Variants in ZSWIM5 observed in about 807,000 individuals in gnomAD.
ZSWIM5 encodes zinc finger SWIM domain-containing protein 5.
In ZSWIM5, 55 loss-of-function variants were observed where a neutral mutation model predicts 119.6. That is an observed-to-expected ratio of 0.46 (90% CI 0.37 to 0.58). The LOEUF (loss-of-function observed/expected upper bound fraction) is 0.58. Ranked by LOEUF, ZSWIM5 falls within the 20% of genes least tolerant of loss-of-function variation. ZSWIM5 has a pLI of 0.00. For synonymous variants in ZSWIM5, 537 were observed against 606.9 expected (o/e 0.88, Z 1.69); for missense variants, 1,193 against 1,512.8 (o/e 0.79, Z 3.51).
In ZSWIM5 at chr1:45,036,381, GT is replaced by G. The variant is rs1570003917; in HGVS notation, c.1895-83del. 1.8e-5 allele frequency: 27 copies of G among 1,493,344 alleles called. No individual in the cohort carries two copies. The East Asian group carries it at 2.1e-4, about 11-fold the overall frequency. 92.5% of individuals were successfully genotyped at this position (1,493,344 alleles called of 1,614,324 possible). ...TTTTTTTTTTTTTTTTTGAGACAGA[GT>G]CTTGCTCTGTTGTCCAGGCTGGAGT... On this transcript the variant is annotated intron_variant, in intron 8 of 13. Transcript: ENST00000359600.
rs1645344020 is a variant in ZSWIM5 at position 45,088,305 on chromosome 1, T to C, written c.596-68A>G. 2 of 1,156,440 alleles carry C rather than the reference T, an allele frequency of 1.7e-6. No homozygotes were observed. The highest frequency in any genetic ancestry group is 1.6e-5 in the South Asian group (1 of 64,438). The allele number at this position is 1,156,440 out of a possible 1,614,324, so 71.6% of individuals were successfully genotyped here. On this transcript the variant is annotated intron_variant, in intron 1 of 13. Coordinates refer to ENST00000359600, the MANE Select transcript of ZSWIM5 (RefSeq NM_020883.2). The surrounding 1 kb of genome is among the most constrained non-coding windows in gnomAD (Gnocchi z 4.2). Reference sequence around the variant, plus strand: ...AATAAACTTAGATTCTCATTTTACATGTAAATTCATCAATTCATAAATTAT... The same window carrying C: ...AATAAACTTAGATTCTCATTTTACACGTAAATTCATCAATTCATAAATTAT...
rs1644857400 is a variant in ZSWIM5, at chr1:45,016,924, G to A, written c.*1530C>T. 1 of 152,350 alleles carries A rather than the reference G, an allele frequency of 6.6e-6. No individual in the cohort carries two copies. The highest frequency in any genetic ancestry group is 6.5e-5 in the Admixed American group (1 of 15,284). The allele number at this position is 152,350 out of a possible 1,614,324, so 9.4% of individuals were successfully genotyped here. On this transcript the variant is annotated 3_prime_UTR_variant, in exon 14 of 14. Transcript: ENST00000359600. ...TAGGGCTAGAAATTAGGAAGGGAGA[G>A]GCTAAGTGCAGACCAGCCCTAGCCT...
At chr1:45,138,900 T>C (rs999741294) in intron 1 of ZSWIM5, among the ~76,000 whole-genome samples, 41 of 151,492 alleles carry the variant, frequency 2.7e-4, no homozygotes, top group Admixed American at 1.2e-3. Context: ...TTTTCTTTTT[T>C]TTTTTTTTTG....
At chr1:45,139,635 C>T (rs1331632670) in intron 1 of ZSWIM5, among the ~76,000 whole-genome samples, 3 of 151,300 alleles carry the variant, frequency 2.0e-5, no homozygotes, top group Non-Finnish European at 2.9e-5. Context: ...GTATATGCCA[C>T]CATGCCCAGC....
At chr1:45,024,232 C>T (rs1211971062) in intron 11 of ZSWIM5, among the ~76,000 whole-genome samples, 2 of 149,752 alleles carry the variant, frequency 1.3e-5, no homozygotes, top group African/African-American at 4.9e-5. Context: ...GTCTTGTCGC[C>T]CAGGCTGGAG....
At chr1:45,114,867 C>T (rs1229987491) in intron 1 of ZSWIM5, among the ~76,000 whole-genome samples, 2 of 152,180 alleles carry the variant, frequency 1.3e-5, no homozygotes, top group African/African-American at 4.8e-5. Context: ...ATGCTGCCTT[C>T]AAGCATCTGT....
chr1:45,021,461 T>C (rs532546869), intron 11 of ZSWIM5, among the ~76,000 whole-genome samples: 1 of 152,302 alleles, frequency 6.6e-6, no homozygotes, highest in Admixed American at 6.5e-5. Context: ...CCACTTCTTA[T>C]TCAATAGGCA....
intron 1 of ZSWIM5, among the ~76,000 whole-genome samples, chr1:45,103,975 G>C (rs941748947): frequency 1.3e-5 from 2 of 152,202 alleles, no homozygotes; most frequent in African/African-American, 4.8e-5. Context: ...GAAAAGAAGA[G>C]ATGTGGTTTA....
chr1:45,152,754 G>C (rs946458382), intron 1 of ZSWIM5, among the ~76,000 whole-genome samples: 1 of 152,106 alleles, frequency 6.6e-6, no homozygotes, highest in Non-Finnish European at 1.5e-5. Flanking sequence ...ATTGGCAAGT[G>C]AGACCTAATT....
intron 1 of ZSWIM5, among the ~76,000 whole-genome samples, chr1:45,175,754 TA>T (rs1023537344): frequency 7.6e-4 from 110 of 145,152 alleles, no homozygotes; most frequent in South Asian, 4.4e-3. Flanking sequence ...ACCTGGCCTT[TA>T]AAAAAAAAAA....
At chr1:45,060,735 C>T (rs941590400) in intron 2 of ZSWIM5, among the ~76,000 whole-genome samples, 12 of 152,134 alleles carry the variant, frequency 7.9e-5, no homozygotes, top group African/African-American at 2.4e-4. Context: ...AGTGCAGTAG[C>T]GTGATCATGG....
At chr1:45,186,945 T>C (rs1321589777) in intron 1 of ZSWIM5, among the ~76,000 whole-genome samples, 1 of 152,184 alleles carries the variant, frequency 6.6e-6, no homozygotes, top group Non-Finnish European at 1.5e-5. Flanking sequence ...ATATTAAATA[T>C]GTGTTGTTTT....
intron 1 of ZSWIM5, among the ~76,000 whole-genome samples, chr1:45,092,111 T>TTTA (rs1645369339): frequency 6.6e-6 from 1 of 152,200 alleles, no homozygotes; most frequent in East Asian, 1.9e-4. Flanking sequence ...CACAGAACTT[T>TTTA]GCATATTATA....
intron 3 of ZSWIM5, 38 bp downstream of exon 3, chr1:45,060,061 T>C: frequency 6.2e-7 from 1 of 1,611,854 alleles, no homozygotes; most frequent in Non-Finnish European, 8.5e-7. Context: ...AAGCTTCTTT[T>C]GTCAACAACA....
chr1:45,155,979 A>G (rs1479786080), intron 1 of ZSWIM5, among the ~76,000 whole-genome samples: 1 of 152,148 alleles, frequency 6.6e-6, no homozygotes. Flanking sequence ...ACAAATCACC[A>G]CTAAGGAACT....
intron 1 of ZSWIM5, among the ~76,000 whole-genome samples, chr1:45,189,333 A>G (rs1397693306): frequency 6.6e-6 from 1 of 151,986 alleles, no homozygotes; most frequent in African/African-American, 2.4e-5. Context: ...TAATAATAAT[A>G]ATAATAATAA....
At chr1:45,107,022 G>A (rs552831907) in intron 1 of ZSWIM5, among the ~76,000 whole-genome samples, 106 of 152,250 alleles carry the variant, frequency 7.0e-4, no homozygotes, top group African/African-American at 2.2e-3. Context: ...CAGCATACTC[G>A]TTAAGAGTCA....
chr1:45,122,542 G>GC lies in ZSWIM5; in HGVS notation c.596-34306dup, dbSNP rs139822259. ...ATAAAAAGACTCTGAAAGGTGGAGG[G>GC]CAGAAGGCAGACTGGTTAGGAACTT... On this transcript the variant is annotated intron_variant, in intron 1 of 13. Transcript: ENST00000359600. Among the ~76,000 whole-genome samples the GC allele has an allele frequency of 6.8e-3, 1,034 of 152,256 alleles. 10 individuals carry two copies. The highest frequency in any genetic ancestry group is 0.022 in the African/African-American group (924 of 41,546).
chr1:45,045,988 G>A (rs926222706), intron 5 of ZSWIM5, among the ~76,000 whole-genome samples: 1 of 151,998 alleles, frequency 6.6e-6, no homozygotes, highest in Non-Finnish European at 1.5e-5. Flanking sequence ...AAGTCCTAAG[G>A]TAGAAGTATA....
Sources: gnomAD v4.1 joint callset for allele counts (sites outside exome capture counted in the v4.1 genomes callset) on GRCh38, gnomAD v4.1.1 for gene constraint, Gnocchi (gnomAD v3.1) non-coding constraint, MANE v1.5 for transcripts, NCBI Gene and HGNC (gene_info 2026-07-23, HGNC 2026-07-21) for gene names.